The following ADD1 variants were observed in gnomAD, a reference collection of about 807,000 sequenced individuals.
ADD1 encodes the protein adducin 1, also known as alpha-adducin.
A neutral mutation model predicts 80.5 loss-of-function variants in ADD1; 24 were observed. The ratio of observed to expected loss-of-function variants is 0.30; its 90% CI spans 0.22 to 0.42. The LOEUF (loss-of-function observed/expected upper bound fraction) is 0.42, where lower values mean the gene tolerates loss of function less well. ADD1 is among the 10% of genes least tolerant of loss of function. The pLI, the probability that ADD1 is intolerant of heterozygous loss-of-function variation, is 1.00. For missense variants in ADD1, 948 were observed against 1,019.0 expected (o/e 0.93, Z 0.95); for synonymous variants, 373 against 393.8 (o/e 0.95, Z 0.63).
At chr4:2,918,228 T>C (rs1267502604) in intron 14 of ADD1, among the ~76,000 whole-genome samples, 1 of 152,222 alleles carries the variant, frequency 6.6e-6, no homozygotes, top group Non-Finnish European at 1.5e-5. Context: ...CGAAGAGGTC[T>C]TTCACATCCC....
At chr4:2,850,762 G>A (rs1390252336) in intron 1 of ADD1, among the ~76,000 whole-genome samples, 1 of 151,988 alleles carries the variant, frequency 6.6e-6, no homozygotes, top group African/African-American at 2.4e-5. Context: ...TAGAGATGGG[G>A]TTTCACCACG....
chr4:2,861,734 T>G (rs1728846495), intron 1 of ADD1, among the ~76,000 whole-genome samples: 1 of 152,170 alleles, frequency 6.6e-6, no homozygotes, highest in Non-Finnish European at 1.5e-5. Flanking sequence ...ATGGTTTGTT[T>G]TAAATCTATC....
At position 2,928,451 on chromosome 4, in the gene ADD1, C is replaced by A; in HGVS notation, c.2328C>A (p.Ser776=). The A allele has an allele frequency of 6.2e-7, 1 of 1,613,604 alleles. No individual in the cohort carries two copies. Among genetic ancestry groups the A allele is most frequent in the Non-Finnish European group, 8.5e-7 (1 of 1,179,980 alleles). Residue 776 remains serine, a synonymous_variant, in exon 16 of 16, where the codon TCC becomes TCA. Transcript: ENST00000683351. The part of the protein sequence containing the change: ...DPGSDGSPGK[S]PSKKKKKFRT... ...GCAGCGATGGGTCTCCAGGCAAGTC[C>A]CCGTCCAAAAAGAAGAAGAAGTTCC...
At chr4:2,925,943 C>A in intron 14 of ADD1, 71 bp from the exon 15 acceptor site, 1 of 1,398,498 alleles carries the variant, frequency 7.2e-7, no homozygotes, top group South Asian at 1.2e-5. Context: ...GCCCCATCTG[C>A]CATGGAGGCA....
At position 2,878,857 on chromosome 4, in the gene ADD1, T is replaced by C. The variant is rs150504664; in HGVS notation, c.195+2747T>C. Among the ~76,000 whole-genome samples the C allele has an allele frequency of 2.0e-4, 31 of 152,164 alleles. 1 individual carries two copies. In the Middle Eastern group the frequency reaches 0.014, roughly 67 times the overall value. On this transcript the variant is annotated intron_variant, in intron 2 of 15. Transcript: ENST00000683351. ...AATCATTACAATGGATCTAAGCCAGTGAGGGAGTTCAGAACAGGGGAGGTG... is the reference window on the plus strand; with the variant it reads ...AATCATTACAATGGATCTAAGCCAGCGAGGGAGTTCAGAACAGGGGAGGTG...
chr4:2,907,915 G>A, intron 11 of ADD1, 71 bp downstream of exon 11: 7 of 1,287,472 alleles, frequency 5.4e-6, no homozygotes, highest in Non-Finnish European at 7.9e-6. Flanking sequence ...GCTTTGGGGG[G>A]AGCGGGTGCT....
intron 14 of ADD1, among the ~76,000 whole-genome samples, chr4:2,920,461 T>C (rs1375159582): frequency 6.6e-6 from 1 of 152,124 alleles, no homozygotes; most frequent in East Asian, 1.9e-4. Flanking sequence ...TGTGTGGGAG[T>C]CTGAGTCTGT....
rs200543663 is a variant in ADD1 at position 2,881,865 on chromosome 4, A to G, written c.196-33A>G. The G allele has an allele frequency of 8.6e-4, 1,343 of 1,561,350 alleles. 1 individual carries two copies. Among genetic ancestry groups the G allele is most frequent in the Non-Finnish European group, 1.1e-3 (1,219 of 1,155,308 alleles). On this transcript the variant is annotated intron_variant, in intron 2 of 15. Coordinates refer to ENST00000683351, the MANE Select transcript of ADD1 (RefSeq NM_001354761.2). ...CCCCTGCCCAAGGAACAGAAAATAA[A>G]TGGTATCTCAGTGTTTTAATATTTT...
chr4:2,927,552 C>T (rs568319397), intron 15 of ADD1, among the ~76,000 whole-genome samples: 1 of 152,368 alleles, frequency 6.6e-6, no homozygotes, highest in Non-Finnish European at 1.5e-5. Context: ...AGGCTGTGTC[C>T]TCAGGGCCGC....
intron 4 of ADD1, among the ~76,000 whole-genome samples, chr4:2,892,425 G>A (rs910434531): frequency 1.3e-4 from 20 of 152,146 alleles, no homozygotes; most frequent in African/African-American, 4.8e-4. Flanking sequence ...GCATATGCTT[G>A]ATGCATAGTG....
At chr4:2,912,442 C>G (rs1436846039) in intron 13 of ADD1, among the ~76,000 whole-genome samples, 1 of 152,212 alleles carries the variant, frequency 6.6e-6, no homozygotes, top group Non-Finnish European at 1.5e-5. Flanking sequence ...TCAGCTGTCT[C>G]AGTATGAGAG....
chr4:2,911,533 G>A (rs778057541), intron 13 of ADD1, among the ~76,000 whole-genome samples: 3 of 149,030 alleles, frequency 2.0e-5, no homozygotes, highest in African/African-American at 7.5e-5. Context: ...TGCAACCTCC[G>A]CCTCCCGGGC....
At chr4:2,845,226 C>T (rs1372081651) in intron 1 of ADD1, among the ~76,000 whole-genome samples, 1 of 152,154 alleles carries the variant, frequency 6.6e-6, no homozygotes, top group Non-Finnish European at 1.5e-5. Context: ...GCGCGCGCCA[C>T]CACGCCCAGC....
In ADD1 at chr4:2,924,664, G is replaced by T. The variant is rs201951215; in HGVS notation, c.1949-1350G>T. ...ACCAGCCACTGCATTACGTAGTTGT[G>T]ACTGAAATTTGAGTTGCTGAATTGT... On this transcript the variant is annotated intron_variant, in intron 14 of 15. Coordinates refer to ENST00000683351, the MANE Select transcript of ADD1 (RefSeq NM_001354761.2). 2.4e-4 allele frequency among the ~76,000 whole-genome samples: 36 copies of T among 152,308 alleles called. No homozygotes were observed. In the East Asian group the frequency reaches 3.1e-3, roughly 13 times the overall value.
At chr4:2,886,515 T>G (rs931032025) in intron 4 of ADD1, among the ~76,000 whole-genome samples, 1 of 152,214 alleles carries the variant, frequency 6.6e-6, no homozygotes, top group African/African-American at 2.4e-5. Flanking sequence ...TTTATTCCCC[T>G]GTAGCAGTTA....
At chr4:2,903,767 T>C (rs1163890890) in intron 9 of ADD1, among the ~76,000 whole-genome samples, 2 of 152,148 alleles carry the variant, frequency 1.3e-5, no homozygotes, top group East Asian at 3.9e-4. Flanking sequence ...AGTCTGTCTG[T>C]CACACTTACC....
At chr4:2,922,989 C>A (rs1307051094) in intron 14 of ADD1, among the ~76,000 whole-genome samples, 2 of 152,208 alleles carry the variant, frequency 1.3e-5, no homozygotes, top group South Asian at 2.1e-4. Flanking sequence ...CCCCTCCCCC[C>A]ACCAAGCTCC....
intron 1 of ADD1, among the ~76,000 whole-genome samples, chr4:2,856,584 GTT>G (rs35341139): frequency 4.7e-4 from 50 of 105,792 alleles, no homozygotes; most frequent in Non-Finnish European, 8.3e-4. Flanking sequence ...GGTTACTAGA[GTT>G]TTTTTTTTTT....
chr4:2,925,986 C>G (rs368842175), intron 14 of ADD1, 28 bp from the exon 15 acceptor site: 13 of 1,606,320 alleles, frequency 8.1e-6, no homozygotes, highest in Non-Finnish European at 1.1e-5. Flanking sequence ...TCCACAGCTC[C>G]TACCATATCC....
Sources: allele counts gnomAD v4.1 joint callset (sites outside exome capture counted in the v4.1 genomes callset), GRCh38; gene constraint gnomAD v4.1.1; transcripts MANE v1.5; gene names NCBI Gene and HGNC (gene_info 2026-07-23, HGNC 2026-07-21).